The following B3GLCT variants were observed in gnomAD, a reference collection of about 807,000 sequenced individuals.
B3GLCT encodes beta-1,3-glucosyltransferase.
Under a neutral mutation model 63.4 loss-of-function variants are expected in B3GLCT, and 65 were observed. That is an observed-to-expected ratio of 1.03 (90% CI 0.84 to 1.26). The LOEUF is 1.26. Ranked by LOEUF, B3GLCT falls within the 50% of genes most tolerant of loss-of-function variation. The probability of loss-of-function intolerance (pLI) is 0.00; values close to 1 mark genes in which losing one functional copy is unlikely to be tolerated. For missense variants in B3GLCT, 577 were observed against 604.8 expected (o/e 0.95, Z 0.48); for synonymous variants, 233 against 219.2 (o/e 1.06, Z -0.55).
At chr13:31,246,951 C>CTTTTTTTTTTTTTTTTTTTT in intron 4 of B3GLCT, 72 bp from the exon 5 acceptor site, 16 of 778,752 alleles carry the variant, frequency 2.1e-5, no homozygotes, top group East Asian at 9.2e-5. Flanking sequence ...CTTTTCTTTT[C>CTTTTTTTTTTTTTTTTTTTT]TTTTTTTTTT....
At chr13:31,260,793 T>A (rs1871985664) in intron 6 of B3GLCT, among the ~76,000 whole-genome samples, 153 bp from the exon 7 acceptor site, 1 of 152,246 alleles carries the variant, frequency 6.6e-6, no homozygotes, top group African/African-American at 2.4e-5. Context: ...GTTAATTATA[T>A]TTTTGTTCAC....
chr13:31,322,723 C>T (rs1472190278), intron 13 of B3GLCT, among the ~76,000 whole-genome samples: 6 of 151,886 alleles, frequency 4.0e-5, no homozygotes, highest in Admixed American at 1.3e-4. Flanking sequence ...TTTCAGAGAG[C>T]GGATCAAAAA....
At chr13:31,294,602 C>T (rs1366653249) in intron 12 of B3GLCT, among the ~76,000 whole-genome samples, 1 of 152,198 alleles carries the variant, frequency 6.6e-6, no homozygotes, top group African/African-American at 2.4e-5. Context: ...ATCGATTAGG[C>T]TGTTGATACT....
At chr13:31,277,344 G>A (rs943454957) in intron 10 of B3GLCT, among the ~76,000 whole-genome samples, 1 of 151,352 alleles carries the variant, frequency 6.6e-6, no homozygotes, top group Non-Finnish European at 1.5e-5. Context: ...TTTTATTCAG[G>A]TTTTTGATGT....
intron 2 of B3GLCT, among the ~76,000 whole-genome samples, chr13:31,221,740 T>TC (rs1200193465): frequency 1.3e-5 from 2 of 152,236 alleles, no homozygotes; most frequent in African/African-American, 2.4e-5. Flanking sequence ...TTTAAGCCGC[T>TC]CCCAATTTTG....
intron 1 of B3GLCT, among the ~76,000 whole-genome samples, chr13:31,208,152 C>G (rs1243468396): frequency 1.3e-5 from 2 of 151,480 alleles, no homozygotes; most frequent in African/African-American, 2.4e-5. Flanking sequence ...TGTATGACTT[C>G]TCAGGCAGGG....
At chr13:31,238,281 G>T (rs1371035935) in intron 4 of B3GLCT, among the ~76,000 whole-genome samples, 2 of 152,194 alleles carry the variant, frequency 1.3e-5, no homozygotes, top group African/African-American at 2.4e-5. Flanking sequence ...AAGAAAGAGC[G>T]TAAACTAACT....
At chr13:31,290,660 T>A (rs975906674) in intron 12 of B3GLCT, among the ~76,000 whole-genome samples, 6 of 152,232 alleles carry the variant, frequency 3.9e-5, no homozygotes, top group African/African-American at 1.4e-4. Context: ...AATGTCTTCT[T>A]TTGAGAAGCG....
chr13:31,300,774 G>T (rs1874182816), intron 12 of B3GLCT, among the ~76,000 whole-genome samples: 1 of 152,120 alleles, frequency 6.6e-6, no homozygotes, highest in Non-Finnish European at 1.5e-5. Flanking sequence ...GAGCAATTGG[G>T]GAAGTGTCAA....
At chr13:31,269,420 G>T (rs1004858554) in intron 8 of B3GLCT, 143 bp downstream of exon 8, 3 of 620,414 alleles carry the variant, frequency 4.8e-6, no homozygotes, top group Non-Finnish European at 8.7e-6. Flanking sequence ...GCACTCCAGC[G>T]AATTAGGTGC....
chr13:31,261,127 A>G (rs777525848), intron 7 of B3GLCT, 45 bp downstream of exon 7: 2 of 1,574,374 alleles, frequency 1.3e-6, no homozygotes, highest in South Asian at 1.1e-5. Flanking sequence ...AGGGGTGTGC[A>G]TCAACTTTAA....
chr13:31,238,592 A>G (rs137882211), intron 4 of B3GLCT, among the ~76,000 whole-genome samples: 103 of 152,370 alleles, frequency 6.8e-4, no homozygotes, highest in Non-Finnish European at 8.7e-4. Context: ...GATGGTAACT[A>G]TTTCATAATA....
chr13:31,294,708 C>G (rs1247521809), intron 12 of B3GLCT, among the ~76,000 whole-genome samples: 1 of 152,064 alleles, frequency 6.6e-6, no homozygotes, highest in African/African-American at 2.4e-5. Flanking sequence ...AGCAATTCGT[C>G]TAACCTTTTT....
In B3GLCT at chr13:31,208,626, C is replaced by A. The variant is rs77813822; in HGVS notation, c.71-6425C>A. Reference sequence around the variant, plus strand: ...GCTTCTGCTTCTTTAGTGGCCCCCCCCCCCCGCTCACTGCCACCTTCATTG... The same window carrying A: ...GCTTCTGCTTCTTTAGTGGCCCCCCACCCCCGCTCACTGCCACCTTCATTG... On this transcript the variant is annotated intron_variant, in intron 1 of 14. Coordinates refer to ENST00000343307, the MANE Select transcript of B3GLCT (RefSeq NM_194318.4). Among the ~76,000 whole-genome samples the A allele has an allele frequency of 3.1e-3, 311 of 101,048 alleles. 7 individuals are homozygous for A. In the East Asian group the frequency reaches 0.24, roughly 77 times the overall value. 66.3% of individuals were successfully genotyped at this position (101,048 alleles called of 152,430 possible).
intron 4 of B3GLCT, among the ~76,000 whole-genome samples, chr13:31,239,267 T>A (rs939160317): frequency 1.1e-4 from 16 of 152,322 alleles, no homozygotes; most frequent in Non-Finnish European, 1.8e-4. Context: ...CATAGAGGAA[T>A]ACAGAGTTTG....
intron 10 of B3GLCT, among the ~76,000 whole-genome samples, chr13:31,277,369 G>C (rs1039087674): frequency 4.6e-5 from 7 of 150,976 alleles, no homozygotes; most frequent in Non-Finnish European, 1.0e-4. Flanking sequence ...ACAGAATTCT[G>C]CTAAGTTGTG....
intron 8 of B3GLCT, among the ~76,000 whole-genome samples, chr13:31,272,874 T>A (rs1024700264): frequency 2.6e-5 from 4 of 152,238 alleles, no homozygotes; most frequent in African/African-American, 9.6e-5. Flanking sequence ...CATTCCATCT[T>A]GCTTCTTAGG....
chr13:31,302,148 T>G (rs566843141), intron 12 of B3GLCT, among the ~76,000 whole-genome samples: 2 of 152,340 alleles, frequency 1.3e-5, no homozygotes, highest in African/African-American at 4.8e-5. Context: ...AAGGTAAAGC[T>G]TAGACCACAA....
chr13:31,300,935 A>G (rs759468087), intron 12 of B3GLCT, among the ~76,000 whole-genome samples: 3 of 152,104 alleles, frequency 2.0e-5, no homozygotes, highest in Non-Finnish European at 4.4e-5. Flanking sequence ...TTTTAGGGAG[A>G]GACTGTTAGC....
Sources: allele counts gnomAD v4.1 joint callset (sites outside exome capture counted in the v4.1 genomes callset), GRCh38; gene constraint gnomAD v4.1.1; transcripts MANE v1.5; gene names NCBI Gene and HGNC (gene_info 2026-07-23, HGNC 2026-07-21).